WWC2: variants seen among roughly 807,000 people sequenced by gnomAD.
WWC2 encodes the protein WW and C2 domain containing 2, also known as protein WWC2.
In WWC2, 101 loss-of-function variants were observed where a neutral mutation model predicts 138.5. The observed-to-expected ratio is 0.73, with a 90% CI of 0.62 to 0.86. The LOEUF (loss-of-function observed/expected upper bound fraction) is 0.86, where lower values mean the gene tolerates loss of function less well. WWC2 is among the 40% of genes least tolerant of loss of function. The pLI, the probability that WWC2 is intolerant of heterozygous loss-of-function variation, is 0.00. For synonymous variants in WWC2, 558 were observed against 538.4 expected (o/e 1.04, Z -0.50); for missense variants, 1,420 against 1,419.4 (o/e 1.00, Z -0.01).
chr4:183,117,215 CTTTTTTTTTTTTTT>C (rs923478529), intron 1 of WWC2, among the ~76,000 whole-genome samples: 1 of 95,670 alleles, frequency 1.0e-5, no homozygotes, highest in African/African-American at 4.3e-5. Context: ...CATTCTTCTT[CTTTTTTTTTTTTTT>C]TTTTTTTTTT....
chr4:183,297,790 C>G (rs1738686803), intron 21 of WWC2, among the ~76,000 whole-genome samples: 1 of 152,216 alleles, frequency 6.6e-6, no homozygotes, highest in Admixed American at 6.5e-5. Flanking sequence ...GAGGAGATGG[C>G]CGCTAGTGTG....
chr4:183,244,658 TTTAC>T (rs765286347), intron 5 of WWC2, among the ~76,000 whole-genome samples: 3 of 151,966 alleles, frequency 2.0e-5, no homozygotes, highest in Non-Finnish European at 2.9e-5. Flanking sequence ...TAAATAATAA[TTTAC>T]TTATTAACCA....
intron 1 of WWC2, among the ~76,000 whole-genome samples, chr4:183,131,512 T>C (rs2111072083): frequency 1.3e-5 from 2 of 152,324 alleles, no homozygotes; most frequent in South Asian, 4.1e-4. Context: ...TTTTTGTTTT[T>C]TCTTGATTGT....
chr4:183,167,904 G>T (rs1407392933), intron 1 of WWC2, among the ~76,000 whole-genome samples: 1 of 147,084 alleles, frequency 6.8e-6, no homozygotes, highest in Non-Finnish European at 1.5e-5. Context: ...TCACCAGGCT[G>T]GAGTGCAGTG....
intron 1 of WWC2, among the ~76,000 whole-genome samples, chr4:183,103,224 G>A (rs1052169934): frequency 1.3e-5 from 2 of 151,994 alleles, no homozygotes; most frequent in African/African-American, 4.8e-5. Context: ...AGGGTGAAAA[G>A]GGAGGAAGGG....
At chr4:183,148,671 AG>A (rs1271905239) in intron 1 of WWC2, among the ~76,000 whole-genome samples, 2 of 152,194 alleles carry the variant, frequency 1.3e-5, no homozygotes, top group Non-Finnish European at 2.9e-5. Context: ...TCAGCTCATA[AG>A]ATAATGATCT....
intron 8 of WWC2, 55 bp from the exon 9 acceptor site, chr4:183,253,702 A>G: frequency 6.4e-7 from 1 of 1,574,282 alleles, no homozygotes; most frequent in African/African-American, 1.4e-5. Context: ...GGCTGTGTTT[A>G]CCTTTCTCAG....
intron 1 of WWC2, among the ~76,000 whole-genome samples, chr4:183,168,120 C>G (rs544579988): frequency 6.3e-4 from 95 of 151,378 alleles, no homozygotes; most frequent in African/African-American, 2.2e-3. Flanking sequence ...TCCCAAAGTG[C>G]TGGGATTACA....
intron 4 of WWC2, among the ~76,000 whole-genome samples, chr4:183,224,550 G>GTTTTGTTTTTGT (rs60762915): frequency 0.25 from 38,056 of 151,728 alleles, 5,227 homozygotes; most frequent in African/African-American, 0.37. Context: ...TTTTTGTTTA[G>GTTTTGTTTTTGT]TTTTGTTTTT....
chr4:183,302,849 A>G (rs947945179), intron 21 of WWC2, among the ~76,000 whole-genome samples: 3 of 152,102 alleles, frequency 2.0e-5, no homozygotes, highest in African/African-American at 7.2e-5. Flanking sequence ...AGATCACTTG[A>G]GGTCAGGAGT....
intron 10 of WWC2, 25 bp downstream of exon 10, chr4:183,259,753 G>A: frequency 6.8e-7 from 1 of 1,466,882 alleles, no homozygotes; most frequent in Non-Finnish European, 9.3e-7. Flanking sequence ...TTTTTGAGGG[G>A]AAAGCTTTTC....
intron 21 of WWC2, among the ~76,000 whole-genome samples, chr4:183,304,971 A>G (rs1738975503): frequency 6.6e-6 from 1 of 152,198 alleles, no homozygotes. Flanking sequence ...ATTTAAACTA[A>G]CTGTGGTTAG....
At chr4:183,131,773 A>G (rs1732933525) in intron 1 of WWC2, among the ~76,000 whole-genome samples, 1 of 152,232 alleles carries the variant, frequency 6.6e-6, no homozygotes, top group African/African-American at 2.4e-5. Context: ...ATGTTATACT[A>G]CATGAACTTT....
At chr4:183,288,394 T>G (rs1455943147) in intron 20 of WWC2, among the ~76,000 whole-genome samples, 1 of 152,212 alleles carries the variant, frequency 6.6e-6, no homozygotes, top group Non-Finnish European at 1.5e-5. Flanking sequence ...GATCACTTAT[T>G]TTGCATTCTG....
At chr4:183,219,825 C>T (rs1233387624) in intron 4 of WWC2, among the ~76,000 whole-genome samples, 1 of 152,274 alleles carries the variant, frequency 6.6e-6, no homozygotes, top group Middle Eastern at 3.4e-3. Context: ...TTTCCCCTCC[C>T]CCACCTTTCC....
intron 9 of WWC2, among the ~76,000 whole-genome samples, chr4:183,254,430 C>A (rs761195741): frequency 1.3e-5 from 2 of 152,206 alleles, no homozygotes; most frequent in Non-Finnish European, 2.9e-5. Context: ...CCCTGTGATA[C>A]CCTAACAGGT....
At chr4:183,241,843 A>G (rs563965850) in intron 5 of WWC2, among the ~76,000 whole-genome samples, 86 of 152,358 alleles carry the variant, frequency 5.6e-4, no homozygotes, top group African/African-American at 2.0e-3. Flanking sequence ...TATGTTCCAC[A>G]TTTTTAAGGC....
At chr4:183,311,920 C>G (rs1183782746) in intron 21 of WWC2, among the ~76,000 whole-genome samples, 1 of 151,976 alleles carries the variant, frequency 6.6e-6, no homozygotes, top group Non-Finnish European at 1.5e-5. Flanking sequence ...AAATAAACAG[C>G]TTTTTAAATG....
chr4:183,252,127 G>A lies in WWC2; in HGVS notation c.954-1630G>A, dbSNP rs554745945. On this transcript the variant is annotated intron_variant, in intron 8 of 22. Coordinates refer to ENST00000403733, the MANE Select transcript of WWC2 (RefSeq NM_024949.6). ...AGAACAAGAAACTTATGGCACAAAG[G>A]TATAGATCTACTTCCATCTTTGCTC... is the stretch of plus-strand genomic sequence containing the variant. Among the ~76,000 whole-genome samples the A allele has an allele frequency of 1.8e-3, 269 of 152,264 alleles. 1 individual carries two copies. Among genetic ancestry groups the A allele is most frequent in the Non-Finnish European group, 3.2e-3 (220 of 68,022 alleles).
Sources: allele counts gnomAD v4.1 joint callset (sites outside exome capture counted in the v4.1 genomes callset), GRCh38; gene constraint gnomAD v4.1.1; transcripts MANE v1.5; gene names NCBI Gene and HGNC (gene_info 2026-07-23, HGNC 2026-07-21).